ACOX2: variants seen among roughly 807,000 people sequenced by gnomAD.
ACOX2 encodes acyl-CoA oxidase 2, also known as peroxisomal acyl-coenzyme A oxidase 2.
A neutral mutation model predicts 77.5 loss-of-function variants in ACOX2; 59 were observed. That is an observed-to-expected ratio of 0.76 (90% CI 0.62 to 0.95). The LOEUF is 0.95. Among genes scored for constraint, ACOX2 ranks in the 40% least tolerant of loss-of-function variants. The probability of loss-of-function intolerance (pLI) is 0.00; values close to 1 mark genes in which losing one functional copy is unlikely to be tolerated. For missense variants in ACOX2, 837 were observed against 880.4 expected, an observed-to-expected ratio of 0.95 and a Z score of 0.62; for synonymous variants, 317 against 340.1, an observed-to-expected ratio of 0.93 and a Z score of 0.75.
Position 58,508,876 on chromosome 3 carries a change from G to A in ACOX2, c.1983+17C>T, listed in dbSNP as rs1200898143. On this transcript the variant is annotated intron_variant, in intron 14 of 14. Transcript: ENST00000302819. ...TCTGCTTTCTTACATAATTTATAAT[G>A]TGTTCCACTCAACTACCTGAGTATT... The A allele has an allele frequency of 2.5e-6, 4 of 1,613,362 alleles. No homozygotes were observed. The South Asian group carries it at 4.4e-5, about 18-fold the overall frequency.
At position 58,508,750 on chromosome 3, in the gene ACOX2, C is replaced by T. The variant is rs535445925; in HGVS notation, c.1983+143G>A. The T allele has an allele frequency of 1.8e-5, 20 of 1,126,024 alleles. No homozygotes were observed. The African/African-American group carries it at 3.1e-4, about 18-fold the overall frequency. The allele number at this position is 1,126,024 out of a possible 1,614,324, so 69.8% of individuals were successfully genotyped here. On this transcript the variant is annotated intron_variant, in intron 14 of 14. Transcript: ENST00000302819. The stretch of plus-strand genomic sequence containing the variant: ...CCACTCCTTGTTTCTTTTATGTGTT[C>T]TCTAAGAATATTTTAAACAGACGTG...
Position 58,528,153 on chromosome 3 carries a change from AAAGTTATGTCC to A in ACOX2, c.1155+630_1155+640del, listed in dbSNP as rs1242732264. ...TTGGAGCTTTCAAGTCCTTGGGAGG[AAAGTTATGTCC>A]CTTGATCTCTCTGTGCCTCATTGCA... On this transcript the variant is annotated intron_variant, in intron 9 of 14. Transcript: ENST00000302819. This position sits in a 1 kb window ranked among gnomAD's most constrained non-coding sequence, Gnocchi z 5.6. Among the ~76,000 whole-genome samples the A allele has an allele frequency of 1.3e-5, 2 of 152,168 alleles. No individual in the cohort carries two copies. Among genetic ancestry groups the A allele is most frequent in the African/African-American group, 4.8e-5 (2 of 41,432 alleles).
intron 13 of ACOX2, 126 bp from the exon 14 acceptor site, chr3:58,509,151 ATT>A: frequency 1.8e-6 from 2 of 1,142,514 alleles, no homozygotes; most frequent in Non-Finnish European, 2.5e-6. Flanking sequence ...ACAATTCAGC[ATT>A]TTTTTTTAGT....
chr3:58,531,454 A>G lies in ACOX2; in HGVS notation c.704-88T>C. ...TCATACACACATTCCAGGTCACAGCAGCCTGTGACACTGGGATTATTGTAC... is the reference window on the plus strand; with the variant it reads ...TCATACACACATTCCAGGTCACAGCGGCCTGTGACACTGGGATTATTGTAC... On this transcript the variant is annotated intron_variant, in intron 6 of 14. Transcript: ENST00000302819. This position sits in a 1 kb window ranked among gnomAD's most constrained non-coding sequence, Gnocchi z 5.8. 7.7e-7 allele frequency: 1 copy of G among 1,294,012 alleles called. No homozygotes were observed. The highest frequency in any genetic ancestry group is 1.5e-5 in the African/African-American group (1 of 68,276). 80.2% of individuals were successfully genotyped at this position (1,294,012 alleles called of 1,614,324 possible).
In ACOX2 at chr3:58,533,647, G is replaced by T; in HGVS notation, c.476-95C>A. The T allele has an allele frequency of 8.7e-7, 1 of 1,142,866 alleles. No homozygotes were observed. Among genetic ancestry groups the T allele is most frequent in the Non-Finnish European group, 1.3e-6 (1 of 769,190 alleles). The allele number at this position is 1,142,866 out of a possible 1,614,324, so 70.8% of individuals were successfully genotyped here. On this transcript the variant is annotated intron_variant, in intron 4 of 14. Coordinates refer to ENST00000302819, the MANE Select transcript of ACOX2 (RefSeq NM_003500.4). This position sits in a 1 kb window ranked among gnomAD's most constrained non-coding sequence, Gnocchi z 5.6. ...TGGGTCTGAACTCTTAGGCATCAGCGCAGTATGGAGTGGGGCCCAGCTCCC... is the reference window on the plus strand; with the variant it reads ...TGGGTCTGAACTCTTAGGCATCAGCTCAGTATGGAGTGGGGCCCAGCTCCC...
chr3:58,524,417 C>T lies in ACOX2; in HGVS notation c.1526+9G>A, dbSNP rs2063379905. The T allele has an allele frequency of 1.2e-6, 2 of 1,607,922 alleles. No homozygotes were observed. Among genetic ancestry groups the T allele is most frequent in the Admixed American group, 1.7e-5 (1 of 59,900 alleles). On this transcript the variant is annotated intron_variant, in intron 11 of 14. Transcript: ENST00000302819. The surrounding 1 kb of genome is among the most constrained non-coding windows in gnomAD (Gnocchi z 5.5). ...AGGTGGGATGGCTGATTTCTCAGCA[C>T]TGGCTTACCTTACTGCCACATGTGC...
At chr3:58,518,075 C>CAAAAAAAAAAAAAAAAAAAAAA (rs763535906) in intron 12 of ACOX2, among the ~76,000 whole-genome samples, 1 of 47,678 alleles carries the variant, frequency 2.1e-5, no homozygotes, top group Non-Finnish European at 3.5e-5. Flanking sequence ...AACTCCATCT[C>CAAAAAAAAAAAAAAAAAAAAAA]AAAAAAAAAA....
chr3:58,517,648 C>T (rs2063331496), intron 12 of ACOX2, among the ~76,000 whole-genome samples: 1 of 151,532 alleles, frequency 6.6e-6, no homozygotes, highest in Non-Finnish European at 1.5e-5. Context: ...GACTGGTGGG[C>T]TTTGAAACAT....
chr3:58,517,154 G>T (rs2063326566), intron 13 of ACOX2, 52 bp downstream of exon 13: 2 of 1,590,656 alleles, frequency 1.3e-6, no homozygotes, highest in South Asian at 2.2e-5. Context: ...TGTGAACAAG[G>T]GGTAGGGTTA....
At position 58,530,569 on chromosome 3, in the gene ACOX2, G is replaced by A. The variant is rs749769851; in HGVS notation, c.889C>T (p.Arg297Trp). ...QSNYLPMVVV[R>W]VELLSGEILP... ...ATCTCCCCTGACAGCAGCTCCACCC[G>A]CACCACCACCATGGGAAGGTAGTTG... The change falls in exon 8 of 15, where the codon CGG (arginine) becomes TGG (tryptophan). Residue 297 changes from arginine (R) to tryptophan (W), a missense_variant. Transcript: ENST00000302819. The A allele has an allele frequency of 4.3e-6, 7 of 1,614,098 alleles. No individual in the cohort carries two copies. The highest frequency in any genetic ancestry group is 1.3e-5 in the African/African-American group (1 of 74,944).
chr3:58,505,572 CTT>C lies in ACOX2; in HGVS notation c.1984-288_1984-287del, dbSNP rs1002167824. 2.0e-5 allele frequency among the ~76,000 whole-genome samples: 3 copies of C among 152,122 alleles called. No individual in the cohort carries two copies. The highest frequency in any genetic ancestry group is 3.9e-4 in the East Asian group (2 of 5,194). Reference sequence around the variant, plus strand: ...TTTCATACAAATAAAAGGCTTGACTCTTTGAGGCTCTCTGAAACTGAACATTA... The same window carrying C: ...TTTCATACAAATAAAAGGCTTGACTCTGAGGCTCTCTGAAACTGAACATTA... On this transcript the variant is annotated intron_variant, in intron 14 of 14. Coordinates refer to ENST00000302819, the MANE Select transcript of ACOX2 (RefSeq NM_003500.4). The surrounding 1 kb of genome is among the most constrained non-coding windows in gnomAD (Gnocchi z 4.4).
At position 58,512,199 on chromosome 3, in the gene ACOX2, C is replaced by T. The variant is rs1162528874; in HGVS notation, c.1851-3174G>A. ...TCCGCATTTATAGTAAATGGCAGCT[C>T]TGCCCTTCTGACCAAAAACCTTGAT... On this transcript the variant is annotated intron_variant, in intron 13 of 14. Transcript: ENST00000302819. This position sits in a 1 kb window ranked among gnomAD's most constrained non-coding sequence, Gnocchi z 4.8. 6.6e-6 allele frequency among the ~76,000 whole-genome samples: 1 copy of T among 152,224 alleles called. No individual in the cohort carries two copies. Among genetic ancestry groups the T allele is most frequent in the Non-Finnish European group, 1.5e-5 (1 of 68,040 alleles).
In ACOX2 at chr3:58,526,347, CAA is replaced by C. The variant is rs2063394006; in HGVS notation, c.1346+117_1346+118del. ...TCATACTGGGGAATTGGACAGCTCC[CAA>C]ATAGCACTTCGCAAAGCCTGCTCTT... On this transcript the variant is annotated intron_variant, in intron 10 of 14. Coordinates refer to ENST00000302819, the MANE Select transcript of ACOX2 (RefSeq NM_003500.4). This position sits in a 1 kb window ranked among gnomAD's most constrained non-coding sequence, Gnocchi z 4.3. The C allele has an allele frequency of 2.5e-6, 3 of 1,213,406 alleles. No homozygotes were observed. The highest frequency in any genetic ancestry group is 3.2e-5 in the South Asian group (2 of 62,718). 75.2% of individuals were successfully genotyped at this position (1,213,406 alleles called of 1,614,324 possible). A position where few individuals can be genotyped will look rare whatever the true frequency, so the allele number is the denominator to read the frequency against.
At chr3:58,516,344 T>G (rs1364584834) in intron 13 of ACOX2, among the ~76,000 whole-genome samples, 1 of 152,208 alleles carries the variant, frequency 6.6e-6, no homozygotes, top group Non-Finnish European at 1.5e-5. Flanking sequence ...GGTTAAGAGC[T>G]CATGCCCAGG....
chr3:58,532,162 A>G (rs927304406), intron 5 of ACOX2, among the ~76,000 whole-genome samples: 1 of 152,198 alleles, frequency 6.6e-6, no homozygotes, highest in African/African-American at 2.4e-5. Context: ...GAGGATGATG[A>G]GTCCCATTTT....
At chr3:58,530,200 T>G (rs2063426695) in intron 8 of ACOX2, among the ~76,000 whole-genome samples, 1 of 152,198 alleles carries the variant, frequency 6.6e-6, no homozygotes, top group South Asian at 2.1e-4. Context: ...CCAAAGACAC[T>G]ATCACATAGA....
chr3:58,522,683 T>A lies in ACOX2; in HGVS notation c.1527-82A>T. Reference sequence around the variant, plus strand: ...TGGGCTTCCTGTGGTCCCTCAGAAGTAGAAATAATGCCTGTTTATTGACCA... The same window carrying A: ...TGGGCTTCCTGTGGTCCCTCAGAAGAAGAAATAATGCCTGTTTATTGACCA... On this transcript the variant is annotated intron_variant, in intron 11 of 14. Coordinates refer to ENST00000302819, the MANE Select transcript of ACOX2 (RefSeq NM_003500.4). The surrounding 1 kb of genome is among the most constrained non-coding windows in gnomAD (Gnocchi z 4.3). 1 of 1,198,518 alleles carries A rather than the reference T, an allele frequency of 8.3e-7. No individual in the cohort carries two copies. The highest frequency in any genetic ancestry group is 1.2e-6 in the Non-Finnish European group (1 of 805,342). 74.2% of individuals were successfully genotyped at this position (1,198,518 alleles called of 1,614,324 possible).
intron 8 of ACOX2, among the ~76,000 whole-genome samples, chr3:58,530,250 G>A (rs867756737): frequency 3.9e-5 from 6 of 152,372 alleles, no homozygotes; most frequent in East Asian, 1.9e-4. Flanking sequence ...AGGTTAGGCC[G>A]GCTGGTCAGC....
rs368167176 is a variant in ACOX2 at position 58,528,778 on chromosome 3, C to G, written c.1155+16G>C. 10 of 1,593,878 alleles carry G rather than the reference C, an allele frequency of 6.3e-6. No homozygotes were observed. The highest frequency in any genetic ancestry group is 8.5e-6 in the Non-Finnish European group (10 of 1,169,652). On this transcript the variant is annotated intron_variant, in intron 9 of 14. Coordinates refer to ENST00000302819, the MANE Select transcript of ACOX2 (RefSeq NM_003500.4). The surrounding 1 kb of genome is among the most constrained non-coding windows in gnomAD (Gnocchi z 5.6). ...CAGCGCCTGCCAGCGCCTGCCCCTC[C>G]GCAGACAGCAGGTACCTCAGGCAGG...
Sources: allele counts gnomAD v4.1 joint callset (sites outside exome capture counted in the v4.1 genomes callset), GRCh38; gene constraint gnomAD v4.1.1; non-coding constraint Gnocchi (gnomAD v3.1); transcripts MANE v1.5; gene names NCBI Gene and HGNC (gene_info 2026-07-23, HGNC 2026-07-21).